ACSL5: variants seen among roughly 807,000 people sequenced by gnomAD.
The protein encoded by ACSL5 is long-chain-fatty-acid--CoA ligase 5.
In ACSL5, 50 loss-of-function variants were observed where a neutral mutation model predicts 84.9. The ratio of observed to expected loss-of-function variants is 0.59; its 90% CI spans 0.47 to 0.75. ACSL5 has a LOEUF of 0.75. ACSL5 is among the 30% of genes least tolerant of loss of function. ACSL5 has a pLI of 0.00. For missense variants in ACSL5, 775 were observed against 830.4 expected (o/e 0.93, Z 0.82); for synonymous variants, 280 against 300.7 (o/e 0.93, Z 0.71).
intron 1 of ACSL5, among the ~76,000 whole-genome samples, chr10:112,381,388 C>G (rs927482283): frequency 5.3e-4 from 81 of 152,242 alleles, no homozygotes; most frequent in African/African-American, 1.9e-3. Flanking sequence ...AACGTATAGG[C>G]TGGGTACAGT....
rs1844330220 is a variant in ACSL5, at chr10:112,417,005, A to T, written c.1201A>T (p.Ile401Phe). 6.2e-7 allele frequency: 1 copy of T among 1,613,642 alleles called. No individual in the cohort carries two copies. The highest frequency in any genetic ancestry group is 8.5e-7 in the Non-Finnish European group (1 of 1,179,738). Reference protein sequence around the residue: ...IRHDSFWDKLIFAKIQDSLGG... With the variant: ...IRHDSFWDKLFFAKIQDSLGG... ...GCATGATAGTTTCTGGGACAAGCTC[A>T]TCTTTGCAAAGATCCAGGTAGGTTG... is the stretch of plus-strand genomic sequence containing the variant. Residue 401 changes from isoleucine to phenylalanine, a missense_variant, in exon 13 of 21, where the codon ATC (isoleucine) becomes TTC (phenylalanine). Transcript: ENST00000354655.
At chr10:112,406,160 A>G (rs902878370) in intron 5 of ACSL5, 1 of 152,194 alleles carries the variant, frequency 6.6e-6, no homozygotes, top group Admixed American at 6.5e-5. Flanking sequence ...AATCTAATAC[A>G]CAGACCATGT....
chr10:112,376,467 G>T lies in ACSL5; in HGVS notation c.-30+2198G>T. The T allele has an allele frequency of 1.9e-6, 3 of 1,613,932 alleles. No homozygotes were observed. The African/African-American group carries it at 4.0e-5, about 22-fold the overall frequency. On this transcript the variant is annotated intron_variant, in intron 1 of 20. Transcript: ENST00000354655. ...TCGCAGGGTAAGGGGACCATCGAGG[G>T]GGTGTTATTCAGCAAGGGGGTCTTG...
chr10:112,384,899 C>T (rs903687777), intron 1 of ACSL5, among the ~76,000 whole-genome samples: 3 of 152,192 alleles, frequency 2.0e-5, no homozygotes, highest in African/African-American at 7.2e-5. Context: ...AGATAATGTA[C>T]ACACTGTCCA....
rs1589693042 is a variant in ACSL5 at position 112,413,432 on chromosome 10, A to G, written c.1083+125A>G. The G allele has an allele frequency of 3.2e-6, 4 of 1,232,436 alleles. No homozygotes were observed. The East Asian group carries it at 9.7e-5, about 30-fold the overall frequency. The allele number at this position is 1,232,436 out of a possible 1,614,324, so 76.3% of individuals were successfully genotyped here. ...CAAGTATCTACGTAAAGCCGTGTGTAAATACAATCCCCGCCAGGTGTGGTG... is the reference window on the plus strand; with the variant it reads ...CAAGTATCTACGTAAAGCCGTGTGTGAATACAATCCCCGCCAGGTGTGGTG... On this transcript the variant is annotated intron_variant, in intron 12 of 20. Coordinates refer to ENST00000354655, the MANE Select transcript of ACSL5 (RefSeq NM_203379.2).
At chr10:112,426,221 C>G (rs370229359) in intron 18 of ACSL5, 37 bp from the exon 19 acceptor site, 2 of 1,551,358 alleles carry the variant, frequency 1.3e-6, no homozygotes, top group African/African-American at 1.4e-5. Flanking sequence ...TACATAACTT[C>G]TCTCATGCCC....
At chr10:112,394,217 G>A (rs1170992195) in intron 1 of ACSL5, among the ~76,000 whole-genome samples, 1 of 152,126 alleles carries the variant, frequency 6.6e-6, no homozygotes, top group African/African-American at 2.4e-5. Context: ...TGCTCACCAC[G>A]TGTCATCCAT....
At chr10:112,414,570 C>A (rs185985833) in intron 12 of ACSL5, among the ~76,000 whole-genome samples, 1 of 151,874 alleles carries the variant, frequency 6.6e-6, no homozygotes, top group Non-Finnish European at 1.5e-5. Flanking sequence ...ATTGGCCAGG[C>A]TGGTCTCGAA....
intron 17 of ACSL5, chr10:112,424,611 A>C (rs1468641267): frequency 6.6e-6 from 1 of 152,234 alleles, no homozygotes; most frequent in Non-Finnish European, 1.5e-5. Flanking sequence ...CGTTAGGCTG[A>C]ATTGATGGCT....
At chr10:112,386,890 A>G (rs952931890) in intron 1 of ACSL5, among the ~76,000 whole-genome samples, 11 of 152,194 alleles carry the variant, frequency 7.2e-5, no homozygotes, top group Admixed American at 3.9e-4. Flanking sequence ...TCTGCATACC[A>G]ATTTTAGTAA....
intron 5 of ACSL5, among the ~76,000 whole-genome samples, chr10:112,406,990 C>T (rs4918750): frequency 0.33 from 50,743 of 151,912 alleles, 8,753 homozygotes; most frequent in African/African-American, 0.43. Flanking sequence ...GCCTCAGAAT[C>T]ATGGTAGGAG....
In ACSL5 at chr10:112,411,442, CTT is replaced by C. The variant is rs1341110025; in HGVS notation, c.797-13_797-12del. 6.2e-7 allele frequency: 1 copy of C among 1,602,122 alleles called. No homozygotes were observed. The highest frequency in any genetic ancestry group is 2.2e-5 in the East Asian group (1 of 44,806). The stretch of plus-strand genomic sequence containing the variant: ...ACATAAAGTATCTTTCTCTCCACCT[CTT>C]ATTTCCTACAGGTGACCCCAAAGGA... On this transcript the variant is annotated splice_polypyrimidine_tract_variant and intron_variant, in intron 9 of 20. Transcript: ENST00000354655.
At chr10:112,386,328 G>A (rs988182240) in intron 1 of ACSL5, among the ~76,000 whole-genome samples, 3 of 151,404 alleles carry the variant, frequency 2.0e-5, no homozygotes, top group Non-Finnish European at 4.4e-5. Flanking sequence ...CTAGTAGCTG[G>A]GATTATAAGC....
At chr10:112,413,582 T>C (rs1030071463) in intron 12 of ACSL5, among the ~76,000 whole-genome samples, 1 of 151,980 alleles carries the variant, frequency 6.6e-6, no homozygotes, top group Non-Finnish European at 1.5e-5. Flanking sequence ...AAAAATTAGC[T>C]GGACTGGTGG....
chr10:112,390,946 A>G (rs1373643176), intron 1 of ACSL5, among the ~76,000 whole-genome samples: 2 of 152,174 alleles, frequency 1.3e-5, no homozygotes, highest in Non-Finnish European at 2.9e-5. Flanking sequence ...AGGGTTTCGT[A>G]TTTTATGGTG....
chr10:112,425,314 G>A, intron 17 of ACSL5, 24 bp from the exon 18 acceptor site: 1 of 1,584,062 alleles, frequency 6.3e-7, no homozygotes, highest in Non-Finnish European at 8.6e-7. Context: ...CAAAAATACT[G>A]ATACTTTTAT....
chr10:112,422,043 G>C lies in ACSL5; in HGVS notation c.1476+8G>C, dbSNP rs372107957. 78 of 1,613,868 alleles carry C rather than the reference G, an allele frequency of 4.8e-5. No individual in the cohort carries two copies. The highest frequency in any genetic ancestry group is 6.4e-5 in the Non-Finnish European group (75 of 1,179,740). On this transcript the variant is annotated splice_region_variant and intron_variant, in intron 16 of 20. Coordinates refer to ENST00000354655, the MANE Select transcript of ACSL5 (RefSeq NM_203379.2). The stretch of plus-strand genomic sequence containing the variant: ...GTGAATAATGAAGGAGAGGTGGGTA[G>C]GTCATGCCCTGTGGTCAGACAGTCA...
At position 112,404,754 on chromosome 10, in the gene ACSL5, A is replaced by C; in HGVS notation, c.380A>C (p.Tyr127Ser). The change falls in exon 5 of 21, where the codon TAT (tyrosine) becomes TCT (serine). Residue 127 changes from tyrosine (Y) to serine (S), a missense_variant. Transcript: ENST00000354655. ...YLGSCLLHKG[Y>S]KSSPDQFVGI... ...GGTTCCTGTCTCTTGCATAAAGGTT[A>C]TAAATCATCACCAGACCAGTTTGTC... The C allele has an allele frequency of 6.2e-7, 1 of 1,614,078 alleles. No homozygotes were observed. The highest frequency in any genetic ancestry group is 8.5e-7 in the Non-Finnish European group (1 of 1,179,982).
intron 1 of ACSL5, among the ~76,000 whole-genome samples, chr10:112,392,364 T>C (rs11593532): frequency 0.26 from 26,732 of 104,246 alleles, 5,640 homozygotes; most frequent in African/African-American, 0.37. Flanking sequence ...CCCAGCACTT[T>C]GGGAGGCCAA....
Sources: allele counts gnomAD v4.1 joint callset (sites outside exome capture counted in the v4.1 genomes callset), GRCh38; gene constraint gnomAD v4.1.1; transcripts MANE v1.5; gene names NCBI Gene and HGNC (gene_info 2026-07-23, HGNC 2026-07-21).